The following TULP1 variants were observed in gnomAD, a reference collection of about 807,000 sequenced individuals.
TULP1 encodes tubby-related protein 1.
A neutral mutation model predicts 67.1 loss-of-function variants in TULP1; 50 were observed. The observed-to-expected ratio is 0.75, with a 90% CI of 0.59 to 0.94. The LOEUF is 0.94. TULP1 is among the 40% of genes least tolerant of loss of function. The pLI is 0.00. For synonymous variants in TULP1, 297 were observed against 294.0 expected (o/e 1.01, Z -0.11); for missense variants, 746 against 734.1 (o/e 1.02, Z -0.19).
At position 35,509,828 on chromosome 6, in the gene TULP1, T is replaced by A; in HGVS notation, c.600A>T (p.Lys200Asn). The A allele has an allele frequency of 6.2e-7, 1 of 1,614,080 alleles. No individual in the cohort carries two copies. The highest frequency in any genetic ancestry group is 8.5e-7 in the Non-Finnish European group (1 of 1,180,020). ...TGTTCCTCCCTAGGCTGGGCTCACC[T>A]TTCTTCTTGGTCTTTCTCATCTTGG... Reference protein sequence around the residue: ...EGTKMRKTKKKGSGEADKDPS... With the variant: ...EGTKMRKTKKNGSGEADKDPS... The change falls in exon 6 of 15, where the codon AAA (lysine) becomes AAT (asparagine). Residue 200 changes from lysine (K) to asparagine (N), a missense_variant and splice_region_variant. Around this residue, in one of 3 missense-constraint regions of TULP1, gnomAD observed 359 missense variants for 341.9 expected, o/e 1.05. Coordinates refer to ENST00000229771, the MANE Select transcript of TULP1 (RefSeq NM_003322.6).
rs558694509 is a variant in TULP1 at position 35,497,912 on chromosome 6, T to C, written c.*415A>G. 50 of 257,754 alleles carry C rather than the reference T, an allele frequency of 1.9e-4. No individual in the cohort carries two copies. The highest frequency in any genetic ancestry group is 1.1e-3 in the African/African-American group (49 of 44,988). 16.0% of individuals were successfully genotyped at this position (257,754 alleles called of 1,614,324 possible). On this transcript the variant is annotated 3_prime_UTR_variant, in exon 15 of 15. Transcript: ENST00000229771. ...CGGCTTTATTGGGGATGTGGGTGCC[T>C]GGCCCTCGTCCCCCATCACCTACCC...
chr6:35,509,487 G>C, intron 7 of TULP1, 147 bp downstream of exon 7: 1 of 1,036,620 alleles, frequency 9.6e-7, no homozygotes, highest in South Asian at 1.3e-5. Flanking sequence ...CTATCAAAGC[G>C]GGGGTCAAGA....
chr6:35,509,527 G>T (rs549550074), intron 7 of TULP1, 107 bp downstream of exon 7: 2 of 1,256,340 alleles, frequency 1.6e-6, no homozygotes, highest in African/African-American at 1.5e-5. Flanking sequence ...CTCTAGACCT[G>T]GCAAACTCCT....
At chr6:35,500,245 G>T in intron 13 of TULP1, 93 bp from the exon 14 acceptor site, 1 of 1,384,276 alleles carries the variant, frequency 7.2e-7, no homozygotes, top group Non-Finnish European at 1.0e-6. Flanking sequence ...GGGCATGTGT[G>T]CACAGGGGTG....
chr6:35,510,410 C>CTA (rs978701439), intron 5 of TULP1, among the ~76,000 whole-genome samples: 2 of 152,180 alleles, frequency 1.3e-5, no homozygotes, highest in African/African-American at 4.8e-5. Context: ...ACAGAGTGTG[C>CTA]TATCTCTGCT....
chr6:35,501,976 C>G (rs1212291075), intron 13 of TULP1, among the ~76,000 whole-genome samples: 1 of 152,106 alleles, frequency 6.6e-6, no homozygotes, highest in East Asian at 1.9e-4. Flanking sequence ...GGTGGTTCCT[C>G]CAGTCCACCA....
intron 2 of TULP1, 54 bp downstream of exon 2, chr6:35,512,585 G>A: frequency 6.2e-7 from 1 of 1,612,410 alleles, no homozygotes; most frequent in South Asian, 1.1e-5. Context: ...CCCTGCGTGG[G>A]TTTACGCACA....
At chr6:35,512,101 A>C in intron 3 of TULP1, 79 bp downstream of exon 3, 3 of 586,304 alleles carry the variant, frequency 5.1e-6, no homozygotes, top group Non-Finnish European at 6.7e-6. Flanking sequence ...GGGCTCGGCG[A>C]CACCCGCGCC....
rs1029966400 is a variant in TULP1 at position 35,503,637 on chromosome 6, G to A, written c.1245C>T (p.Phe415=). The change falls in exon 13 of 15, where the codon TTC becomes TTT. Residue 415 remains phenylalanine (F), a synonymous_variant. Transcript: ENST00000229771. This position sits in a 1 kb window ranked among gnomAD's most constrained non-coding sequence, Gnocchi z 4.0. ...AVIYETNVLG[F]RGPRRMTVII... is the part of the protein sequence containing the mutation. Reference sequence around the variant, plus strand: ...TGACGGTCATGCGCCGGGGGCCACGGAAGCCCAGCACGTTGGTTTCCTGGG... The same window carrying A: ...TGACGGTCATGCGCCGGGGGCCACGAAAGCCCAGCACGTTGGTTTCCTGGG... 1 of 1,600,074 alleles carries A rather than the reference G, an allele frequency of 6.2e-7. No individual in the cohort carries two copies. Among genetic ancestry groups the A allele is most frequent in the East Asian group, 2.3e-5 (1 of 44,138 alleles).
intron 5 of TULP1, among the ~76,000 whole-genome samples, chr6:35,510,220 A>G (rs143897237): frequency 0.015 from 2,355 of 152,104 alleles, 37 homozygotes; most frequent in South Asian, 0.043. Flanking sequence ...CCCCTGGCTA[A>G]TTTTTGTATT....
chr6:35,502,995 T>C (rs532285928), intron 13 of TULP1, among the ~76,000 whole-genome samples: 4 of 152,316 alleles, frequency 2.6e-5, no homozygotes, highest in Non-Finnish European at 5.9e-5. Flanking sequence ...TGGAGTGCAG[T>C]GGCACCATCT....
chr6:35,499,971 A>G lies in TULP1; in HGVS notation c.1495+10T>C. ...GGAGAAGAGCCAGACCTGGGCCCTC[A>G]GGTACTCACGGTCATCAGCGTGGAC... On this transcript the variant is annotated intron_variant, in intron 14 of 14. Coordinates refer to ENST00000229771, the MANE Select transcript of TULP1 (RefSeq NM_003322.6). The G allele has an allele frequency of 6.2e-7, 1 of 1,613,900 alleles. No individual in the cohort carries two copies. The highest frequency in any genetic ancestry group is 8.5e-7 in the Non-Finnish European group (1 of 1,180,006).
At position 35,506,267 on chromosome 6, in the gene TULP1, A is replaced by G; in HGVS notation, c.828+7T>C. On this transcript the variant is annotated splice_region_variant and intron_variant, in intron 9 of 14. Transcript: ENST00000229771. ...TGAGACACGGGCAGCCCGGCAGGACAACTCACCGCTTTCTGTGTGCGGAGA... is the reference window on the plus strand; with the variant it reads ...TGAGACACGGGCAGCCCGGCAGGACGACTCACCGCTTTCTGTGTGCGGAGA... 6.3e-7 allele frequency: 1 copy of G among 1,587,794 alleles called. No individual in the cohort carries two copies.
At chr6:35,502,652 C>T (rs1179904198) in intron 13 of TULP1, among the ~76,000 whole-genome samples, 1 of 151,850 alleles carries the variant, frequency 6.6e-6, no homozygotes, top group Non-Finnish European at 1.5e-5. Flanking sequence ...TTGCCCACTG[C>T]CACGCCCGGC....
chr6:35,510,638 A>C, intron 5 of TULP1: 4 of 865,560 alleles, frequency 4.6e-6, no homozygotes, highest in African/African-American at 1.7e-5. Context: ...TCTGCCTCAC[A>C]GAGCTCAAGG....
At position 35,510,864 on chromosome 6, in the gene TULP1, T is replaced by C. The variant is rs1761184213; in HGVS notation, c.496A>G (p.Arg166Gly). The change falls in exon 5 of 15, where the codon AGG becomes GGG. Residue 166 changes from arginine to glycine, a missense_variant. By Grantham distance (125) the Arg-to-Gly change is moderately radical. This residue lies in a region of TULP1 where 359 missense variants were observed against 341.9 expected (regional missense o/e 1.05). Transcript: ENST00000229771. ...KERRAKAQGP[R>G]GDLGSPDPPP... ...TCTCAGCACCCTCAGCACCCACCCC[T>C]TGGGCCCTGGGCCTTGGCCCTCCTC... is the stretch of plus-strand genomic sequence containing the variant. 6.2e-7 allele frequency: 1 copy of C among 1,613,804 alleles called. No individual in the cohort carries two copies. Among genetic ancestry groups the C allele is most frequent in the African/African-American group, 1.3e-5 (1 of 74,952 alleles).
rs1561817874 is a variant in TULP1, at chr6:35,510,985, C to T, written c.375G>A (p.Glu125=). ...CCTCTGCCTCCTCTTCCTCGTCCTCCTCGTCCTCCTCTTCCTCCTCCTCCT... is the reference window on the plus strand; with the variant it reads ...CCTCTGCCTCCTCTTCCTCGTCCTCTTCGTCCTCCTCTTCCTCCTCCTCCT... ...EDEEEEEEED[E]EDEEEEAEEK... The change falls in exon 5 of 15, where the codon GAG becomes GAA. Residue 125 remains glutamate, a synonymous_variant. Coordinates refer to ENST00000229771, the MANE Select transcript of TULP1 (RefSeq NM_003322.6). 1 of 1,600,974 alleles carries T rather than the reference C, an allele frequency of 6.2e-7. No homozygotes were observed. The highest frequency in any genetic ancestry group is 2.2e-5 in the East Asian group (1 of 44,870).
rs1055705476 is a variant in TULP1 at position 35,504,765 on chromosome 6, G to A, written c.1113-917C>T. 1.1e-4 allele frequency among the ~76,000 whole-genome samples: 16 copies of A among 150,246 alleles called. No individual in the cohort carries two copies. The South Asian group carries it at 1.9e-3, about 18-fold the overall frequency. ...GTATTTTTAGTAGAGACGGGGTTTC[G>A]CTGTGTTAGCCAGGGTGGTCTTGAT... On this transcript the variant is annotated intron_variant, in intron 11 of 14. Transcript: ENST00000229771.
Position 35,498,236 on chromosome 6 carries a change from G to A in TULP1, c.*91C>T. On this transcript the variant is annotated 3_prime_UTR_variant, in exon 15 of 15. Coordinates refer to ENST00000229771, the MANE Select transcript of TULP1 (RefSeq NM_003322.6). This position sits in a 1 kb window ranked among gnomAD's most constrained non-coding sequence, Gnocchi z 6.7. ...AGCCCCGACACAGGAGCAGTTTTCCGCGGGAGCTTTGCTGGAGGGACCCTG... is the reference window on the plus strand; with the variant it reads ...AGCCCCGACACAGGAGCAGTTTTCCACGGGAGCTTTGCTGGAGGGACCCTG... The A allele has an allele frequency of 1.3e-6, 2 of 1,543,438 alleles. No homozygotes were observed. The highest frequency in any genetic ancestry group is 8.7e-7 in the Non-Finnish European group (1 of 1,148,300).
Sources: allele counts gnomAD v4.1 joint callset (sites outside exome capture counted in the v4.1 genomes callset), GRCh38; gene constraint gnomAD v4.1.1; regional missense constraint gnomAD v4.1.1; non-coding constraint Gnocchi (gnomAD v3.1); transcripts MANE v1.5; gene names NCBI Gene and HGNC (gene_info 2026-07-23, HGNC 2026-07-21).